The following SGMS1 variants were observed in gnomAD, a reference collection of about 807,000 sequenced individuals.
SGMS1 encodes the protein phosphatidylcholine:ceramide cholinephosphotransferase 1.
In SGMS1, 13 loss-of-function variants were observed where a neutral mutation model predicts 46.2. The observed-to-expected ratio is 0.28, with a 90% CI of 0.18 to 0.45. SGMS1 has a LOEUF of 0.45. Ranked by LOEUF, SGMS1 falls within the 20% of genes least tolerant of loss-of-function variation. The probability of loss-of-function intolerance (pLI) is 1.00; values close to 1 mark genes in which losing one functional copy is unlikely to be tolerated. For missense variants in SGMS1, 324 were observed against 519.9 expected, an observed-to-expected ratio of 0.62 and a Z score of 3.66; for synonymous variants, 203 against 187.8, an observed-to-expected ratio of 1.08 and a Z score of -0.66.
chr10:50,615,495 T>C (rs1838788331), intron 1 of SGMS1, among the ~76,000 whole-genome samples: 1 of 152,182 alleles, frequency 6.6e-6, no homozygotes, highest in African/African-American at 2.4e-5. Flanking sequence ...AAGGTTTGCA[T>C]AACCTGCCTA....
At chr10:50,391,649 T>C (rs543351980) in intron 6 of SGMS1, among the ~76,000 whole-genome samples, 2 of 152,138 alleles carry the variant, frequency 1.3e-5, no homozygotes, top group Admixed American at 6.5e-5. Flanking sequence ...CCATTAGACC[T>C]AGTAATCCCA....
chr10:50,623,838 G>A lies in SGMS1; in HGVS notation c.-815C>T. On this transcript the variant is annotated 5_prime_UTR_variant, in exon 1 of 11. Transcript: ENST00000361781. ...TCCGACCGGCTCCCTAGGCGCGAGG[G>A]GAGAGCAGTCAGCCCAGGCCGGTCC... The A allele has an allele frequency of 2.0e-6, 2 of 985,414 alleles. No individual in the cohort carries two copies. The highest frequency in any genetic ancestry group is 2.4e-6 in the Non-Finnish European group (2 of 829,978). 61.0% of individuals were successfully genotyped at this position (985,414 alleles called of 1,614,324 possible). A position where few individuals can be genotyped will look rare whatever the true frequency, so the allele number is the denominator to read the frequency against.
intron 7 of SGMS1, among the ~76,000 whole-genome samples, 170 bp from the exon 8 acceptor site, chr10:50,327,492 T>C (rs1847550293): frequency 6.6e-6 from 1 of 152,318 alleles, no homozygotes; most frequent in African/African-American, 2.4e-5. Context: ...ATTTTGAGAA[T>C]AACGTTGTGT....
intron 3 of SGMS1, among the ~76,000 whole-genome samples, chr10:50,487,824 T>G (rs993178815): frequency 2.6e-5 from 4 of 152,002 alleles, no homozygotes; most frequent in African/African-American, 9.7e-5. Context: ...GTTACTCAGG[T>G]TTCACTGCCA....
rs545832452 is a variant in SGMS1, at chr10:50,616,366, G to A, written c.-684+7341C>T. Among the ~76,000 whole-genome samples, 98 of 152,196 alleles carry A rather than the reference G, an allele frequency of 6.4e-4. 1 individual carries two copies. Among genetic ancestry groups the A allele is most frequent in the Admixed American group, 1.8e-3 (27 of 15,292 alleles). On this transcript the variant is annotated intron_variant, in intron 1 of 10. Transcript: ENST00000361781. ...GCCCAGACTGGCCTCAAACTTCTGG[G>A]CTCAAGTGATCCTCCCACCTCGGCC...
At chr10:50,440,233 A>G (rs1849524832) in intron 5 of SGMS1, among the ~76,000 whole-genome samples, 1 of 151,836 alleles carries the variant, frequency 6.6e-6, no homozygotes, top group East Asian at 1.9e-4. Context: ...ACATCCCTCC[A>G]GAACTCCTGT....
intron 2 of SGMS1, among the ~76,000 whole-genome samples, chr10:50,533,974 CAGG>C (rs1216944239): frequency 6.6e-6 from 1 of 151,980 alleles, no homozygotes; most frequent in African/African-American, 2.4e-5. Context: ...CACTTGAGCC[CAGG>C]AGTTCAAGTC....
intron 3 of SGMS1, among the ~76,000 whole-genome samples, chr10:50,476,924 G>A (rs919330852): frequency 2.6e-5 from 4 of 152,248 alleles, no homozygotes; most frequent in Non-Finnish European, 5.9e-5. Flanking sequence ...GAAGTCTGCT[G>A]CAGGGGCAAA....
At chr10:50,403,676 C>T (rs1213269203) in intron 6 of SGMS1, among the ~76,000 whole-genome samples, 1 of 151,180 alleles carries the variant, frequency 6.6e-6, no homozygotes, top group Non-Finnish European at 1.5e-5. Flanking sequence ...TGTTCATAAG[C>T]TCACCTGCTC....
intron 6 of SGMS1, among the ~76,000 whole-genome samples, chr10:50,368,493 A>T (rs1424639628): frequency 1.3e-5 from 2 of 152,148 alleles, no homozygotes; most frequent in Non-Finnish European, 2.9e-5. Context: ...AGTAGCTGGG[A>T]TTACTGGCAC....
At chr10:50,445,284 G>C (rs1415336424) in intron 5 of SGMS1, among the ~76,000 whole-genome samples, 1 of 152,150 alleles carries the variant, frequency 6.6e-6, no homozygotes, top group Non-Finnish European at 1.5e-5. Flanking sequence ...AAGCCCTTTA[G>C]AAAAATGTTT....
In SGMS1 at chr10:50,464,294, T is replaced by C. The variant is rs189064308; in HGVS notation, c.-455+2596A>G. Among the ~76,000 whole-genome samples the C allele has an allele frequency of 1.4e-3, 217 of 152,238 alleles. 1 individual carries two copies. The highest frequency in any genetic ancestry group is 3.1e-3 in the Admixed American group (47 of 15,294). On this transcript the variant is annotated intron_variant, in intron 4 of 10. Coordinates refer to ENST00000361781, the MANE Select transcript of SGMS1 (RefSeq NM_147156.4). ...AGAAAAGGAAGTCAGAGTAATGCAATGTGAGACCATTTGACCACTGCTGAC... is the reference window on the plus strand; with the variant it reads ...AGAAAAGGAAGTCAGAGTAATGCAACGTGAGACCATTTGACCACTGCTGAC...
chr10:50,353,950 C>A (rs62393297), intron 6 of SGMS1, among the ~76,000 whole-genome samples: 1 of 152,158 alleles, frequency 6.6e-6, no homozygotes, highest in Non-Finnish European at 1.5e-5. Context: ...AGGATACAAA[C>A]AAATGGAAGA....
At chr10:50,358,383 A>G (rs1437106007) in intron 6 of SGMS1, among the ~76,000 whole-genome samples, 1 of 152,216 alleles carries the variant, frequency 6.6e-6, no homozygotes, top group East Asian at 1.9e-4. Flanking sequence ...TCAAGTTCAG[A>G]TAAAAGTTTT....
At chr10:50,391,595 G>A (rs1267936709) in intron 6 of SGMS1, among the ~76,000 whole-genome samples, 1 of 152,124 alleles carries the variant, frequency 6.6e-6, no homozygotes, top group East Asian at 1.9e-4. Flanking sequence ...CAACTATTGT[G>A]GAAAGCAGTT....
intron 8 of SGMS1, among the ~76,000 whole-genome samples, chr10:50,322,465 C>T (rs1266407925): frequency 2.0e-5 from 3 of 152,212 alleles, no homozygotes; most frequent in Admixed American, 6.5e-5. Flanking sequence ...CAACGGGAAG[C>T]TTACAACACC....
intron 2 of SGMS1, among the ~76,000 whole-genome samples, chr10:50,577,147 G>C (rs778691468): frequency 6.6e-6 from 1 of 152,202 alleles, no homozygotes; most frequent in African/African-American, 2.4e-5. Flanking sequence ...CGTTAAGCTA[G>C]GGGTAACTTG....
intron 1 of SGMS1, among the ~76,000 whole-genome samples, chr10:50,622,749 C>T (rs1009680806): frequency 5.3e-5 from 8 of 152,220 alleles, no homozygotes; most frequent in Non-Finnish European, 1.2e-4. Context: ...ATCCCGATTT[C>T]TACTTCGCGG....
chr10:50,453,426 A>C (rs1206709227), intron 5 of SGMS1, among the ~76,000 whole-genome samples: 3 of 151,528 alleles, frequency 2.0e-5, no homozygotes, highest in Non-Finnish European at 4.4e-5. Flanking sequence ...ATAAAATAAA[A>C]TAAAATAAAA....
Sources: gnomAD v4.1 joint callset for allele counts (sites outside exome capture counted in the v4.1 genomes callset) on GRCh38, gnomAD v4.1.1 for gene constraint, MANE v1.5 for transcripts, NCBI Gene and HGNC (gene_info 2026-07-23, HGNC 2026-07-21) for gene names.